The following PLEKHN1 variants were observed in gnomAD, a reference collection of about 807,000 sequenced individuals.
PLEKHN1 encodes the protein pleckstrin homology domain containing N1, also known as pleckstrin homology domain-containing family N member 1.
Under a neutral mutation model 72.8 loss-of-function variants are expected in PLEKHN1, and 68 were observed. The observed-to-expected ratio is 0.93, with a 90% CI of 0.77 to 1.14. PLEKHN1 has a LOEUF of 1.14. PLEKHN1 is among the 50% of genes most tolerant of loss of function. The pLI, the probability that PLEKHN1 is intolerant of heterozygous loss-of-function variation, is 0.00. For synonymous variants in PLEKHN1, 454 were observed against 371.6 expected (o/e 1.22, Z -2.55); for missense variants, 1,015 against 840.5 (o/e 1.21, Z -2.57).
Position 974,843 on chromosome 1 carries a change from C to G in PLEKHN1, c.*268C>G, listed in dbSNP as rs765381441. On this transcript the variant is annotated 3_prime_UTR_variant, in exon 16 of 16. Coordinates refer to ENST00000379410, the MANE Select transcript of PLEKHN1 (RefSeq NM_032129.3). The stretch of plus-strand genomic sequence containing the variant: ...GGGAGGTCCTGGCCGTCCACAGGGT[C>G]GGCCCTCAGCTCAGCCCGCCAGGAG... 3.4e-4 allele frequency: 171 copies of G among 496,044 alleles called. No individual in the cohort carries two copies. The highest frequency in any genetic ancestry group is 5.5e-4 in the Non-Finnish European group (154 of 277,574). The allele number at this position is 496,044 out of a possible 1,614,324, so 30.7% of individuals were successfully genotyped here.
chr1:969,287 A>G (rs1456061519), intron 2 of PLEKHN1, among the ~76,000 whole-genome samples: 1 of 152,198 alleles, frequency 6.6e-6, no homozygotes, highest in Non-Finnish European at 1.5e-5. Context: ...CATCTCTACC[A>G]CTAGACCAGG....
At position 974,918 on chromosome 1, in the gene PLEKHN1, C is replaced by T. The variant is rs576901314; in HGVS notation, c.*343C>T. On this transcript the variant is annotated 3_prime_UTR_variant, in exon 16 of 16. Coordinates refer to ENST00000379410, the MANE Select transcript of PLEKHN1 (RefSeq NM_032129.3). The stretch of plus-strand genomic sequence containing the variant: ...GGGAGGGCAGCACGGGCGTGAAGGT[C>T]GGAGGACAGAGAAAGGTCAGCAGGG... The T allele has an allele frequency of 2.1e-4, 67 of 322,472 alleles. 1 individual carries two copies. The highest frequency in any genetic ancestry group is 1.1e-4 in the Non-Finnish European group (18 of 170,876). The allele number at this position is 322,472 out of a possible 1,614,324, so 20.0% of individuals were successfully genotyped here.
chr1:966,645 C>T lies in PLEKHN1; in HGVS notation c.83+31C>T, dbSNP rs186208904. 7.5e-3 allele frequency: 12,037 copies of T among 1,595,650 alleles called. 62 individuals carry two copies. The highest frequency in any genetic ancestry group is 0.017 in the Middle Eastern group (104 of 6,020). On this transcript the variant is annotated intron_variant, in intron 1 of 15. Coordinates refer to ENST00000379410, the MANE Select transcript of PLEKHN1 (RefSeq NM_032129.3). Reference sequence around the variant, plus strand: ...CGGGGCGTGGGTGCGGCCACCTGGGCGCAGGGCTCCCCCACCCGCTCCGGG... The same window carrying T: ...CGGGGCGTGGGTGCGGCCACCTGGGTGCAGGGCTCCCCCACCCGCTCCGGG...
At chr1:974,182 C>G (rs1193703581) in intron 14 of PLEKHN1, 131 bp downstream of exon 14, 3 of 1,497,382 alleles carry the variant, frequency 2.0e-6, no homozygotes, top group Admixed American at 1.7e-5. Flanking sequence ...GCCAGGGGGG[C>G]CAGTAGGGAG....
At position 970,438 on chromosome 1, in the gene PLEKHN1, G is replaced by A; in HGVS notation, c.330+15G>A. On this transcript the variant is annotated intron_variant, in intron 3 of 15. Transcript: ENST00000379410. This position sits in a 1 kb window ranked among gnomAD's most constrained non-coding sequence, Gnocchi z 4.2. ...AGCACAGCCAGGTGGGGGCCGGGCTGGGTGGAGCACGCTAAGGGTGCAGCA... is the reference window on the plus strand; with the variant it reads ...AGCACAGCCAGGTGGGGGCCGGGCTAGGTGGAGCACGCTAAGGGTGCAGCA... The A allele has an allele frequency of 6.2e-7, 1 of 1,613,210 alleles. No individual in the cohort carries two copies. Among genetic ancestry groups the A allele is most frequent in the South Asian group, 1.1e-5 (1 of 91,070 alleles).
chr1:971,780 G>A (rs1479619695), intron 8 of PLEKHN1, among the ~76,000 whole-genome samples: 1 of 137,236 alleles, frequency 7.3e-6, no homozygotes, highest in Non-Finnish European at 1.6e-5. Flanking sequence ...AGTCACTGAG[G>A]AACAAACACA....
chr1:971,495 GGCTTGTTGAGACAGAGC>G, intron 8 of PLEKHN1, 91 bp downstream of exon 8: 6 of 1,243,756 alleles, frequency 4.8e-6, no homozygotes, highest in Non-Finnish European at 5.7e-6. Flanking sequence ...TGTATTTCGG[GGCTTGTTGAGACAGAGC>G]GCAGGGCCCT....
rs1034435953 is a variant in PLEKHN1 at position 973,554 on chromosome 1, A to G, written c.1348A>G (p.Thr450Ala). Residue 450 changes from threonine (T) to alanine (A), a missense_variant, in exon 13 of 16, where the codon ACA becomes GCA. Transcript: ENST00000379410. ...AGATGCCCCTGACCACACTTCGGAA[A>G]CATCACACTCGCCCCTCTATGCCGA... ...SPDAPDHTSE[T>A]SHSPLYADPY... The G allele has an allele frequency of 1.9e-6, 3 of 1,613,122 alleles. No homozygotes were observed. The highest frequency in any genetic ancestry group is 2.7e-5 in the African/African-American group (2 of 74,870).
At position 970,896 on chromosome 1, in the gene PLEKHN1, C is replaced by G. The variant is rs375385918; in HGVS notation, c.502C>G (p.Leu168Val). The G allele has an allele frequency of 6.2e-7, 1 of 1,611,092 alleles. No individual in the cohort carries two copies. Among genetic ancestry groups the G allele is most frequent in the Non-Finnish European group, 8.5e-7 (1 of 1,179,836 alleles). Residue 168 changes from leucine (L) to valine (V), a missense_variant, in exon 6 of 16, where the codon CTC becomes GTC. Leu to Val is a conservative substitution (Grantham distance 32, BLOSUM62 1). Coordinates refer to ENST00000379410, the MANE Select transcript of PLEKHN1 (RefSeq NM_032129.3). The surrounding 1 kb of genome is among the most constrained non-coding windows in gnomAD (Gnocchi z 4.2). ...FQITGPLPAP[L>V]LVLCPSRAEL... ...GCCCGCAGGCCCACTGCCCGCACCC[C>G]TCCTGGTGCTCTGCCCCAGCCGGGC...
At chr1:974,256 C>A in intron 14 of PLEKHN1, 60 bp from the exon 15 acceptor site, 1 of 1,610,844 alleles carries the variant, frequency 6.2e-7, no homozygotes, top group Admixed American at 1.7e-5. Context: ...TGACAGGCCG[C>A]CTCCAAGCTC....
chr1:972,712 GC>G, intron 10 of PLEKHN1, 148 bp from the exon 11 acceptor site: 2 of 1,083,222 alleles, frequency 1.8e-6, no homozygotes, highest in South Asian at 1.7e-5. Context: ...GTTGCAGTGA[GC>G]CGAGATCGTG....
chr1:968,135 A>G (rs1473368394), intron 2 of PLEKHN1, among the ~76,000 whole-genome samples: 1 of 152,114 alleles, frequency 6.6e-6, no homozygotes, highest in Admixed American at 6.5e-5. Context: ...CCTATTTTTC[A>G]TGGGTGCCAA....
In PLEKHN1 at chr1:972,333, A is replaced by C; in HGVS notation, c.911A>C (p.Asp304Ala). 6.2e-7 allele frequency: 1 copy of C among 1,612,518 alleles called. No individual in the cohort carries two copies. The highest frequency in any genetic ancestry group is 8.5e-7 in the Non-Finnish European group (1 of 1,179,878). ...TIRVVCASYE[D>A]YGHWLLCLRA... is the part of the protein sequence containing the mutation. The stretch of plus-strand genomic sequence containing the variant: ...CGCGTGGTGTGCGCCAGCTACGAGG[A>C]CTACGGTCACTGGCTGCTGTGCCTT... The change falls in exon 10 of 16, where the codon GAC (aspartate) becomes GCC (alanine). Residue 304 changes from aspartate (D) to alanine (A), a missense_variant. Asp to Ala is a moderately radical substitution (Grantham distance 126). Transcript: ENST00000379410.
At chr1:972,581 C>G (rs566223802) in intron 10 of PLEKHN1, among the ~76,000 whole-genome samples, 157 bp downstream of exon 10, 1 of 152,126 alleles carries the variant, frequency 6.6e-6, no homozygotes, top group African/African-American at 2.4e-5. Context: ...GCCTGACCGA[C>G]GTGGAGAAAC....
chr1:970,697 G>A lies in PLEKHN1; in HGVS notation c.423G>A (p.Pro141=), dbSNP rs757030897. 11 of 1,595,266 alleles carry A rather than the reference G, an allele frequency of 6.9e-6. No homozygotes were observed. Among genetic ancestry groups the A allele is most frequent in the Middle Eastern group, 1.7e-4 (1 of 6,000 alleles). ...SEGLTFQGLL[P]LTELSVCPLE... The stretch of plus-strand genomic sequence containing the variant: ...CCTGTGCCTGGCAGGGGCTGTTACC[G>A]CTGACGGAGCTGAGTGTCTGCCCGC... Residue 141 remains proline (P), a synonymous_variant, in exon 5 of 16, where the codon CCG becomes CCA. Coordinates refer to ENST00000379410, the MANE Select transcript of PLEKHN1 (RefSeq NM_032129.3). The surrounding 1 kb of genome is among the most constrained non-coding windows in gnomAD (Gnocchi z 4.2).
At position 973,238 on chromosome 1, in the gene PLEKHN1, G is replaced by T; in HGVS notation, c.1205G>T (p.Arg402Ile). 6.5e-7 allele frequency: 1 copy of T among 1,542,704 alleles called. No homozygotes were observed. The highest frequency in any genetic ancestry group is 8.8e-7 in the Non-Finnish European group (1 of 1,140,872). Reference protein sequence around the residue: ...ASIGRRRTELRRSGSSRSPGS... With the variant: ...ASIGRRRTELIRSGSSRSPGS... The stretch of plus-strand genomic sequence containing the variant: ...ATTGGCCGACGGAGGACCGAGCTGA[G>T]ACGCAGTGGCAGCAGCCGGTCACCC... Residue 402 changes from arginine (R) to isoleucine (I), a missense_variant, in exon 12 of 16, where the codon AGA becomes ATA. By Grantham distance (97) the Arg-to-Ile change is moderately conservative. Transcript: ENST00000379410.
In PLEKHN1 at chr1:975,831, A is replaced by G. The variant is rs1391894431; in HGVS notation, c.*1256A>G. On this transcript the variant is annotated 3_prime_UTR_variant, in exon 16 of 16. Coordinates refer to ENST00000379410, the MANE Select transcript of PLEKHN1 (RefSeq NM_032129.3). ...GTGCGGTTGCATTTGATTTCAGATA[A>G]ACAACAACTTCTTAGTAAAATGACC... The G allele has an allele frequency of 3.6e-6, 1 of 274,652 alleles. No individual in the cohort carries two copies. The highest frequency in any genetic ancestry group is 7.9e-5 in the East Asian group (1 of 12,650). 17.0% of individuals were successfully genotyped at this position (274,652 alleles called of 1,614,324 possible).
chr1:967,043 G>A (rs976081948), intron 2 of PLEKHN1, among the ~76,000 whole-genome samples: 2 of 152,200 alleles, frequency 1.3e-5, no homozygotes, highest in Non-Finnish European at 2.9e-5. Context: ...GGGGCGGGCC[G>A]CGGGCGGGGC....
Position 972,310 on chromosome 1 carries a change from C to T in PLEKHN1, c.888C>T (p.Arg296=), listed in dbSNP as rs750272925. 38 of 1,612,376 alleles carry T rather than the reference C, an allele frequency of 2.4e-5. No homozygotes were observed. Among genetic ancestry groups the T allele is most frequent in the South Asian group, 4.4e-5 (4 of 91,056 alleles). The part of the protein sequence containing the change: ...LIEGPLINTI[R]VVCASYEDYG... ...CAGGCCCCCTCATCAACACCATCCGCGTGGTGTGCGCCAGCTACGAGGACT... is the reference window on the plus strand; with the variant it reads ...CAGGCCCCCTCATCAACACCATCCGTGTGGTGTGCGCCAGCTACGAGGACT... Residue 296 remains arginine (R), a synonymous_variant, in exon 10 of 16, where the codon CGC becomes CGT. Coordinates refer to ENST00000379410, the MANE Select transcript of PLEKHN1 (RefSeq NM_032129.3).
Sources: allele counts gnomAD v4.1 joint callset (sites outside exome capture counted in the v4.1 genomes callset), GRCh38; gene constraint gnomAD v4.1.1; non-coding constraint Gnocchi (gnomAD v3.1); transcripts MANE v1.5; gene names NCBI Gene and HGNC (gene_info 2026-07-23, HGNC 2026-07-21).